Variants in EXOC6B observed in about 807,000 individuals in gnomAD.
EXOC6B encodes SEC15 homolog B.
A neutral mutation model predicts 113.5 loss-of-function variants in EXOC6B; 54 were observed. The ratio of observed to expected loss-of-function variants is 0.48; its 90% CI spans 0.38 to 0.60. The LOEUF (loss-of-function observed/expected upper bound fraction) is 0.60. Ranked by LOEUF, EXOC6B falls within the 20% of genes least tolerant of loss-of-function variation. The pLI is 0.00. For synonymous variants in EXOC6B, 357 were observed against 339.0 expected, an observed-to-expected ratio of 1.05 and a Z score of -0.58; for missense variants, 797 against 977.5, an observed-to-expected ratio of 0.82 and a Z score of 2.46.
intron 6 of EXOC6B, among the ~76,000 whole-genome samples, chr2:72,609,243 G>A (rs550927664): frequency 5.3e-5 from 8 of 152,072 alleles, no homozygotes; most frequent in African/African-American, 1.9e-4. Flanking sequence ...AGAACAAACA[G>A]CAATAGAGTC....
chr2:72,250,647 T>G (rs1488486881), intron 20 of EXOC6B, among the ~76,000 whole-genome samples: 2 of 151,998 alleles, frequency 1.3e-5, no homozygotes, highest in Non-Finnish European at 2.9e-5. Context: ...CCTAGCCAGA[T>G]ATGAGCATAT....
At chr2:72,787,407 C>T (rs772231587) in intron 1 of EXOC6B, among the ~76,000 whole-genome samples, 21 of 151,928 alleles carry the variant, frequency 1.4e-4, no homozygotes, top group Non-Finnish European at 2.5e-4. Context: ...ACCATGTTGG[C>T]TAGGCTGGTC....
In EXOC6B at chr2:72,783,318, C is replaced by CTTTTTTTTTTTT. The variant is rs70963146; in HGVS notation, c.114-41861_114-41850dup. ...CCTGTTGGTCACTTCTTTTTCTTTTCTTTTTTTTTTTTTTTTTTTTTTTTG... is the reference window on the plus strand; with the variant it reads ...CCTGTTGGTCACTTCTTTTTCTTTTCTTTTTTTTTTTTTTTTTTTTTTTTTTTTTTTTTTTTG... On this transcript the variant is annotated intron_variant, in intron 1 of 21. Coordinates refer to ENST00000272427, the MANE Select transcript of EXOC6B (RefSeq NM_015189.3). 2.4e-3 allele frequency among the ~76,000 whole-genome samples: 145 copies of CTTTTTTTTTTTT among 60,380 alleles called. 1 individual carries two copies. Among genetic ancestry groups the CTTTTTTTTTTTT allele is most frequent in the Non-Finnish European group, 2.9e-3 (102 of 35,108 alleles). The allele number at this position is 60,380 out of a possible 152,430, so 39.6% of individuals were successfully genotyped here.
intron 6 of EXOC6B, among the ~76,000 whole-genome samples, chr2:72,635,374 T>C (rs1183487875): frequency 1.3e-5 from 2 of 152,178 alleles, no homozygotes; most frequent in African/African-American, 4.8e-5. Flanking sequence ...ACAATGGCTA[T>C]CACCATGGGC....
intron 18 of EXOC6B, among the ~76,000 whole-genome samples, chr2:72,401,079 T>C (rs1432127388): frequency 6.6e-6 from 1 of 151,288 alleles, no homozygotes; most frequent in East Asian, 1.9e-4. Flanking sequence ...AGAAATGTTA[T>C]ATATATATAT....
chr2:72,477,852 C>A (rs1382186341), intron 17 of EXOC6B, among the ~76,000 whole-genome samples: 3 of 152,172 alleles, frequency 2.0e-5, no homozygotes, highest in East Asian at 3.8e-4. Context: ...GATTTAATTT[C>A]TCACTTCTTT....
intron 19 of EXOC6B, among the ~76,000 whole-genome samples, chr2:72,347,018 T>C (rs887177646): frequency 2.6e-5 from 4 of 152,176 alleles, no homozygotes; most frequent in Non-Finnish European, 5.9e-5. Context: ...ATTATTTCAA[T>C]ATGCAACTCC....
intron 6 of EXOC6B, among the ~76,000 whole-genome samples, chr2:72,616,823 C>T (rs1330560391): frequency 6.6e-6 from 1 of 152,146 alleles, no homozygotes; most frequent in East Asian, 1.9e-4. Flanking sequence ...CATTTCAAAA[C>T]CAATCATGCC....
chr2:72,215,707 T>C (rs745545548), intron 20 of EXOC6B, among the ~76,000 whole-genome samples: 1 of 152,076 alleles, frequency 6.6e-6, no homozygotes, highest in Non-Finnish European at 1.5e-5. Flanking sequence ...GGGATCAATA[T>C]ACATGAGAAA....
At chr2:72,560,528 T>C (rs1703832786) in intron 7 of EXOC6B, among the ~76,000 whole-genome samples, 1 of 152,080 alleles carries the variant, frequency 6.6e-6, no homozygotes, top group East Asian at 1.9e-4. Context: ...GTAAACCTCA[T>C]TTCTTCTTTT....
rs542238460 is a variant in EXOC6B at position 72,393,382 on chromosome 2, C to A, written c.1981-13512G>T. On this transcript the variant is annotated intron_variant, in intron 18 of 21. Coordinates refer to ENST00000272427, the MANE Select transcript of EXOC6B (RefSeq NM_015189.3). Reference sequence around the variant, plus strand: ...GTGCTGGGATTACAGGCGTGAGTCACCATGTCTGGCCAAAGATTTTTTTAG... The same window carrying A: ...GTGCTGGGATTACAGGCGTGAGTCAACATGTCTGGCCAAAGATTTTTTTAG... 1.5e-4 allele frequency among the ~76,000 whole-genome samples: 23 copies of A among 152,216 alleles called. 1 individual carries two copies. The highest frequency in any genetic ancestry group is 3.4e-3 in the Middle Eastern group (1 of 294).
intron 17 of EXOC6B, among the ~76,000 whole-genome samples, chr2:72,478,882 C>A (rs1573217035): frequency 6.6e-6 from 1 of 152,154 alleles, no homozygotes; most frequent in East Asian, 1.9e-4. Context: ...TTTACATTTT[C>A]TTTCCTAGAG....
At chr2:72,186,590 A>C (rs1017549880) in intron 20 of EXOC6B, among the ~76,000 whole-genome samples, 2 of 152,098 alleles carry the variant, frequency 1.3e-5, no homozygotes, top group Non-Finnish European at 2.9e-5. Flanking sequence ...AGGAGCTGAT[A>C]AGAAAAGTGA....
intron 6 of EXOC6B, among the ~76,000 whole-genome samples, chr2:72,694,795 A>G (rs974765307): frequency 7.9e-5 from 12 of 152,192 alleles, no homozygotes; most frequent in African/African-American, 2.9e-4. Context: ...GCTAAGATAG[A>G]CAGGTTTCAG....
chr2:72,397,290 C>T (rs898920084), intron 18 of EXOC6B, among the ~76,000 whole-genome samples: 1 of 152,102 alleles, frequency 6.6e-6, no homozygotes, highest in Non-Finnish European at 1.5e-5. Flanking sequence ...TCCTCAGTCT[C>T]TGACTAATAT....
At chr2:72,270,937 T>G (rs1185119842) in intron 20 of EXOC6B, among the ~76,000 whole-genome samples, 5 of 152,190 alleles carry the variant, frequency 3.3e-5, no homozygotes, top group Non-Finnish European at 5.9e-5. Context: ...ATCTCTGCTC[T>G]TTGAATCTTC....
chr2:72,603,409 A>G (rs1213456385), intron 6 of EXOC6B, among the ~76,000 whole-genome samples: 3 of 152,042 alleles, frequency 2.0e-5, no homozygotes, highest in African/African-American at 7.2e-5. Context: ...GCTGTCTAGA[A>G]TACTCTATTA....
chr2:72,630,402 T>C (rs538589593), intron 6 of EXOC6B, among the ~76,000 whole-genome samples: 29 of 152,358 alleles, frequency 1.9e-4, no homozygotes, highest in East Asian at 1.2e-3. Context: ...AGGCCTATAC[T>C]GCCCATGGAA....
At position 72,686,435 on chromosome 2, in the gene EXOC6B, A is replaced by AT; in HGVS notation, c.669+31667dup. 1.3e-5 allele frequency among the ~76,000 whole-genome samples: 2 copies of AT among 152,302 alleles called. 1 individual carries two copies. Among genetic ancestry groups the AT allele is most frequent in the Middle Eastern group, 6.8e-3 (2 of 294 alleles). The stretch of plus-strand genomic sequence containing the variant: ...GATACTCTCTTAGAGAAGAAGTACT[A>AT]TTTTCAATAGATATCTTAGAATGTA... On this transcript the variant is annotated intron_variant, in intron 6 of 21. Transcript: ENST00000272427.
Sources: gnomAD v4.1 joint callset for allele counts (sites outside exome capture counted in the v4.1 genomes callset) on GRCh38, gnomAD v4.1.1 for gene constraint, MANE v1.5 for transcripts, NCBI Gene and HGNC (gene_info 2026-07-23, HGNC 2026-07-21) for gene names.